Variants in NUP205 observed in about 807,000 individuals in gnomAD.
The protein encoded by NUP205 is nucleoporin 205, also known as nuclear pore complex protein Nup205.
A neutral mutation model predicts 253.8 loss-of-function variants in NUP205; 76 were observed. The observed-to-expected ratio is 0.30, with a 90% CI of 0.25 to 0.36. The LOEUF (loss-of-function observed/expected upper bound fraction) is 0.36, where lower values mean the gene tolerates loss of function less well. Ranked by LOEUF, NUP205 falls within the 10% of genes least tolerant of loss-of-function variation. The probability of loss-of-function intolerance (pLI) is 1.00; values close to 1 mark genes in which losing one functional copy is unlikely to be tolerated. For synonymous variants in NUP205, 832 were observed against 850.1 expected, an observed-to-expected ratio of 0.98 and a Z score of 0.37; for missense variants, 2,162 against 2,425.5, an observed-to-expected ratio of 0.89 and a Z score of 2.28.
At position 135,597,360 on chromosome 7, in the gene NUP205, AT is replaced by A. The variant is rs1584662137; in HGVS notation, c.2014-4del. On this transcript the variant is annotated splice_polypyrimidine_tract_variant and splice_region_variant and intron_variant, in intron 13 of 42. Coordinates refer to ENST00000285968, the MANE Select transcript of NUP205 (RefSeq NM_015135.3). Reference sequence around the variant, plus strand: ...ATGCTCCTGACATCTACTTCTTACTATTTTAAGATACTGCAGACCGTGAGGA... The same window carrying A: ...ATGCTCCTGACATCTACTTCTTACTATTTAAGATACTGCAGACCGTGAGGA... 1 of 1,604,500 alleles carries A rather than the reference AT, an allele frequency of 6.2e-7. No individual in the cohort carries two copies. Among genetic ancestry groups the A allele is most frequent in the Non-Finnish European group, 8.5e-7 (1 of 1,171,468 alleles).
chr7:135,576,242 A>T (rs1463466538), intron 3 of NUP205, 28 bp from the exon 4 acceptor site: 1 of 1,600,842 alleles, frequency 6.2e-7, no homozygotes. Context: ...GTTTATTAAC[A>T]ATATTATTTC....
chr7:135,586,810 T>A (rs574587707), intron 8 of NUP205, among the ~76,000 whole-genome samples: 2 of 152,328 alleles, frequency 1.3e-5, no homozygotes, highest in East Asian at 3.9e-4. Context: ...GTATTAAATT[T>A]GTTGAGGTTT....
intron 28 of NUP205, 65 bp downstream of exon 28, chr7:135,618,668 G>C (rs987808774): frequency 7.3e-6 from 10 of 1,378,668 alleles, no homozygotes; most frequent in African/African-American, 1.4e-5. Context: ...AATATATTTT[G>C]GCATCCTAAT....
intron 38 of NUP205, among the ~76,000 whole-genome samples, chr7:135,641,623 T>A (rs1299346434): frequency 1.3e-5 from 2 of 150,594 alleles, no homozygotes; most frequent in Non-Finnish European, 3.0e-5. Context: ...TACAAAAAAA[T>A]TAGCTGGGTG....
chr7:135,570,682 A>ATATATATATATTAATTATATTTATAT (rs1563109886), intron 1 of NUP205, among the ~76,000 whole-genome samples: 1 of 87,056 alleles, frequency 1.1e-5, no homozygotes, highest in African/African-American at 3.9e-5. Context: ...AATATATATT[A>ATATATATATATTAATTATATTTATAT]ATTATATTAA....
chr7:135,570,737 A>G (rs1204747399), intron 1 of NUP205, among the ~76,000 whole-genome samples: 1 of 99,102 alleles, frequency 1.0e-5, no homozygotes, highest in Non-Finnish European at 1.9e-5. Flanking sequence ...TATATATTAT[A>G]TTAATATATT....
intron 40 of NUP205, 69 bp from the exon 41 acceptor site, chr7:135,645,399 C>T (rs890771423): frequency 2.6e-6 from 4 of 1,512,678 alleles, no homozygotes; most frequent in South Asian, 1.2e-5. Flanking sequence ...CTTTTTTCTT[C>T]TCCTCCGAAA....
intron 8 of NUP205, among the ~76,000 whole-genome samples, chr7:135,585,593 G>A (rs191082892): frequency 2.7e-4 from 41 of 150,674 alleles, no homozygotes; most frequent in South Asian, 2.1e-4. Context: ...GCTCTATTGC[G>A]CCCAGGCTGG....
chr7:135,581,164 CGAA>C (rs1324817349), intron 7 of NUP205, among the ~76,000 whole-genome samples: 2 of 152,162 alleles, frequency 1.3e-5, no homozygotes, highest in African/African-American at 4.8e-5. Flanking sequence ...CAAGTTTTAA[CGAA>C]GATCTCCAAT....
intron 42 of NUP205, 62 bp from the exon 43 acceptor site, chr7:135,648,342 T>G (rs1795052324): frequency 1.4e-6 from 2 of 1,399,038 alleles, no homozygotes; most frequent in South Asian, 3.3e-5. Context: ...ATTGGAAGAC[T>G]TAGAATAAAA....
intron 1 of NUP205, among the ~76,000 whole-genome samples, chr7:135,562,699 C>T (rs529955820): frequency 6.6e-6 from 1 of 152,152 alleles, no homozygotes; most frequent in South Asian, 2.1e-4. Context: ...AGGCGTGCGC[C>T]ACCACACCCA....
intron 33 of NUP205, 92 bp from the exon 34 acceptor site, chr7:135,627,881 G>A (rs1794627348): frequency 4.7e-6 from 6 of 1,272,422 alleles, no homozygotes; most frequent in African/African-American, 4.4e-5. Flanking sequence ...TTAATCAGCC[G>A]GCTCTGATTT....
intron 28 of NUP205, among the ~76,000 whole-genome samples, chr7:135,619,064 A>C (rs965679082): frequency 6.6e-6 from 1 of 152,138 alleles, no homozygotes. Context: ...AGCTAAATGT[A>C]TATAAAACTT....
chr7:135,611,922 G>A (rs1310645117), intron 22 of NUP205, among the ~76,000 whole-genome samples: 1 of 152,068 alleles, frequency 6.6e-6, no homozygotes, highest in Non-Finnish European at 1.5e-5. Context: ...AGACCATCCT[G>A]GCTAACACGG....
At chr7:135,620,113 T>G (rs1794445374) in intron 30 of NUP205, among the ~76,000 whole-genome samples, 1 of 152,242 alleles carries the variant, frequency 6.6e-6, no homozygotes, top group Non-Finnish European at 1.5e-5. Context: ...AATAATACTT[T>G]AGCTTTATAT....
intron 22 of NUP205, 94 bp downstream of exon 22, chr7:135,607,465 T>C: frequency 7.5e-7 from 1 of 1,340,712 alleles, no homozygotes; most frequent in East Asian, 2.5e-5. Flanking sequence ...CAGCAGGACT[T>C]AGTTGAAATG....
chr7:135,598,524 T>C (rs890069898), intron 15 of NUP205, among the ~76,000 whole-genome samples: 1 of 152,226 alleles, frequency 6.6e-6, no homozygotes, highest in Non-Finnish European at 1.5e-5. Flanking sequence ...CTACTGCTTA[T>C]TGGAATGGTT....
intron 42 of NUP205, among the ~76,000 whole-genome samples, chr7:135,646,950 G>A (rs1365213910): frequency 2.0e-5 from 3 of 152,100 alleles, no homozygotes; most frequent in East Asian, 3.9e-4. Flanking sequence ...GAACTTTTTA[G>A]GTACAAAGTA....
intron 1 of NUP205, among the ~76,000 whole-genome samples, chr7:135,567,944 G>C (rs1007473629): frequency 2.0e-5 from 3 of 152,114 alleles, no homozygotes; most frequent in Non-Finnish European, 2.9e-5. Flanking sequence ...GTTTAGTAGG[G>C]GCCGGGCGCC....
Sources: allele counts gnomAD v4.1 joint callset (sites outside exome capture counted in the v4.1 genomes callset), GRCh38; gene constraint gnomAD v4.1.1; transcripts MANE v1.5; gene names NCBI Gene and HGNC (gene_info 2026-07-23, HGNC 2026-07-21).